Variants in ZNF717 observed in about 807,000 individuals in gnomAD.
ZNF717 encodes krueppel-like factor X17.
ZNF717 carries 9 observed loss-of-function variants against 13.8 expected under a neutral mutation model. The observed-to-expected ratio is 0.65, with a 90% CI of 0.39 to 1.14. The LOEUF (loss-of-function observed/expected upper bound fraction) is 1.14. ZNF717 is among the 50% of genes most tolerant of loss of function. The pLI, the probability that ZNF717 is intolerant of heterozygous loss-of-function variation, is 0.01. For missense variants in ZNF717, 1,040 were observed against 1,080.7 expected (o/e 0.96, Z 0.53); for synonymous variants, 327 against 364.1 (o/e 0.90, Z 1.16).
At chr3:75,759,494 C>A (rs58198383) in intron 2 of ZNF717, among the ~76,000 whole-genome samples, 1 of 152,158 alleles carries the variant, frequency 6.6e-6, no homozygotes, top group Non-Finnish European at 1.5e-5. Context: ...CCCGGATGGT[C>A]TCGATCTCCT....
intron 2 of ZNF717, among the ~76,000 whole-genome samples, chr3:75,747,629 A>T (rs1312111805): frequency 6.6e-6 from 1 of 152,122 alleles, no homozygotes; most frequent in African/African-American, 2.4e-5. Flanking sequence ...GCAAATTTGA[A>T]TGGGAGTTCA....
At chr3:75,710,778 A>G (rs1275442998) in exon 6 of ZNF717, 3 of 152,152 alleles carry the variant, frequency 2.0e-5, no homozygotes, top group Non-Finnish European at 4.4e-5. Context: ...ATTAGGAGAA[A>G]TACATTAGGA....
chr3:75,771,510 C>T (rs189161550), intron 2 of ZNF717, among the ~76,000 whole-genome samples: 35 of 152,322 alleles, frequency 2.3e-4, no homozygotes, highest in South Asian at 4.1e-4. Flanking sequence ...CTAGGGCCTC[C>T]GGAGCGATAG....
chr3:75,782,747 C>A (rs990583521), intron 2 of ZNF717, among the ~76,000 whole-genome samples: 2 of 150,888 alleles, frequency 1.3e-5, no homozygotes, highest in African/African-American at 4.9e-5. Flanking sequence ...CACAACATGC[C>A]GTGCTTTAGC....
At chr3:75,719,390 A>C (rs1234859753) in intron 4 of ZNF717, among the ~76,000 whole-genome samples, 1 of 152,186 alleles carries the variant, frequency 6.6e-6, no homozygotes, top group African/African-American at 2.4e-5. Context: ...AACCTAGCAA[A>C]ATGCAGCAAG....
intron 2 of ZNF717, among the ~76,000 whole-genome samples, chr3:75,779,870 C>G (rs112575674): frequency 6.6e-6 from 1 of 151,334 alleles, no homozygotes; most frequent in South Asian, 2.1e-4. Flanking sequence ...AACCGGAACC[C>G]AAAACAATGG....
chr3:75,724,223 T>C (rs1938229769), intron 4 of ZNF717, among the ~76,000 whole-genome samples: 1 of 151,918 alleles, frequency 6.6e-6, no homozygotes, highest in African/African-American at 2.4e-5. Context: ...TGGCCAGGCA[T>C]TCTGGGCCAC....
In ZNF717 at chr3:75,737,241, A is replaced by G. The variant is rs566558183; in HGVS notation, c.2382T>C (p.Thr794=). ...KPYECDECRK[T]FYDKTVLTIH... ...TGGTGAGAACTGTCTTATCGTAAAA[A>G]GTTTTCCTACATTCATCACATTCAT... Residue 794 remains threonine (T), a synonymous_variant, in exon 5 of 5, where the codon ACT becomes ACC. Coordinates refer to ENST00000652011, the MANE Select transcript of ZNF717 (RefSeq NM_001290208.3). 6.1e-5 allele frequency: 95 copies of G among 1,552,724 alleles called. No homozygotes were observed. The African/African-American group carries it at 8.2e-4, about 13-fold the overall frequency.
At chr3:75,731,747 C>CT (rs1369174697), downstream of ZNF717, among the ~76,000 whole-genome samples, 2 of 151,966 alleles carry the variant, frequency 1.3e-5, no homozygotes, top group Non-Finnish European at 2.9e-5. Flanking sequence ...ACCCCCAACT[C>CT]TAAAAAAAAA....
At chr3:75,756,145 A>G (rs1432403292) in intron 2 of ZNF717, among the ~76,000 whole-genome samples, 2 of 152,152 alleles carry the variant, frequency 1.3e-5, no homozygotes, top group Admixed American at 6.5e-5. Flanking sequence ...GCTTTTTATC[A>G]TTGAATCTGT....
intron 2 of ZNF717, among the ~76,000 whole-genome samples, chr3:75,746,611 T>C (rs1941198382): frequency 6.6e-6 from 1 of 152,216 alleles, no homozygotes; most frequent in Non-Finnish European, 1.5e-5. Flanking sequence ...GTGATTTTGA[T>C]TTGCATTTCT....
At chr3:75,731,953 C>G, downstream of ZNF717, 1 of 657,078 alleles carries the variant, frequency 1.5e-6, no homozygotes, top group East Asian at 2.7e-5. Flanking sequence ...AGTAGAAAAT[C>G]TTGAACTATA....
At chr3:75,781,951 C>A (rs1268047711) in intron 2 of ZNF717, among the ~76,000 whole-genome samples, 1 of 152,064 alleles carries the variant, frequency 6.6e-6, no homozygotes, top group East Asian at 1.9e-4. Flanking sequence ...GTTGCTGCAG[C>A]TAGAATCCCC....
chr3:75,782,318 T>C (rs998272386), intron 2 of ZNF717, among the ~76,000 whole-genome samples: 2 of 152,194 alleles, frequency 1.3e-5, no homozygotes, highest in African/African-American at 2.4e-5. Context: ...AGAGATAAAC[T>C]AAGATAAAGG....
chr3:75,719,969 TA>T (rs67604409), intron 4 of ZNF717, among the ~76,000 whole-genome samples: 5 of 50,742 alleles, frequency 9.9e-5, no homozygotes, highest in African/African-American at 3.8e-4. Context: ...AAAATAATAA[TA>T]AATAATAATA....
At chr3:75,751,343 G>A (rs1575833635) in intron 2 of ZNF717, among the ~76,000 whole-genome samples, 2 of 151,468 alleles carry the variant, frequency 1.3e-5, no homozygotes, top group African/African-American at 4.9e-5. Context: ...CCAGAGCACT[G>A]CTAGGAGCAT....
intron 2 of ZNF717, among the ~76,000 whole-genome samples, chr3:75,759,751 T>C (rs538355563): frequency 4.6e-5 from 7 of 152,128 alleles, no homozygotes; most frequent in South Asian, 2.1e-4. Context: ...TGATTTTTAA[T>C]AGAGATGGGA....
chr3:75,755,494 G>A (rs1321101223), intron 2 of ZNF717, among the ~76,000 whole-genome samples: 2 of 152,002 alleles, frequency 1.3e-5, no homozygotes, highest in African/African-American at 4.8e-5. Context: ...TAAGCTTGTA[G>A]ATAATAATAA....
At chr3:75,724,623 A>C (rs79335803) in intron 4 of ZNF717, among the ~76,000 whole-genome samples, 2 of 152,236 alleles carry the variant, frequency 1.3e-5, no homozygotes, top group Admixed American at 6.5e-5. Context: ...AATGAAAATT[A>C]TATTTTTTAC....
Sources: gnomAD v4.1 joint callset for allele counts (sites outside exome capture counted in the v4.1 genomes callset) on GRCh38, gnomAD v4.1.1 for gene constraint, MANE v1.5 for transcripts, NCBI Gene and HGNC (gene_info 2026-07-23, HGNC 2026-07-21) for gene names.